CFAP99: variants seen among roughly 807,000 people sequenced by gnomAD.
CFAP99 encodes the protein cilia and flagella associated protein 99.
Under a neutral mutation model 82.7 loss-of-function variants are expected in CFAP99, and 84 were observed. That is an observed-to-expected ratio of 1.02 (90% confidence interval 0.85 to 1.22). CFAP99 has a LOEUF of 1.22. CFAP99 is among the 50% of genes most tolerant of loss of function. The pLI is 0.00. For missense variants in CFAP99, 1,059 were observed against 983.5 expected (o/e 1.08, Z -1.03); for synonymous variants, 456 against 429.5 (o/e 1.06, Z -0.76).
chr4:2,459,074 C>A, intron 12 of CFAP99, 33 bp from the exon 13 acceptor site: 1 of 1,480,890 alleles, frequency 6.8e-7, no homozygotes, highest in South Asian at 1.3e-5. Flanking sequence ...CTGCCACCCA[C>A]CAGCCACCTC....
intron 13 of CFAP99, 127 bp downstream of exon 13, chr4:2,459,385 C>A: frequency 8.6e-7 from 1 of 1,163,462 alleles, no homozygotes. Flanking sequence ...ACCTGGCCCG[C>A]CACCCTCCGT....
At position 2,443,555 on chromosome 4, in the gene CFAP99, G is replaced by A. The variant is rs548484091; in HGVS notation, c.464+313G>A. Among the ~76,000 whole-genome samples, 18 of 152,332 alleles carry A rather than the reference G, an allele frequency of 1.2e-4. 1 individual carries two copies. Among genetic ancestry groups the A allele is most frequent in the Middle Eastern group, 3.4e-3 (1 of 294 alleles). On this transcript the variant is annotated intron_variant, in intron 5 of 14. Transcript: ENST00000635017. ...CTGGCTGAGTGAATGGGGCAGAGCCGGCCCTTCTGTGCTGGAGCCTACATG... is the reference window on the plus strand; with the variant it reads ...CTGGCTGAGTGAATGGGGCAGAGCCAGCCCTTCTGTGCTGGAGCCTACATG...
At chr4:2,434,179 C>T (rs549903471) in intron 2 of CFAP99, among the ~76,000 whole-genome samples, 9 of 152,272 alleles carry the variant, frequency 5.9e-5, no homozygotes, top group Non-Finnish European at 1.0e-4. Context: ...ATGTGATGTC[C>T]GCCCCAGTAT....
rs550091975 is a variant in CFAP99, at chr4:2,438,643, G to A, written c.351+479G>A. On this transcript the variant is annotated intron_variant, in intron 4 of 14. Coordinates refer to ENST00000635017, the Ensembl canonical transcript of CFAP99. ...TAGCAAGCTGGGCATGGTGGCTCCC[G>A]TCTGTAGTCCCACCTGCTTGGGAGG... is the stretch of plus-strand genomic sequence containing the variant. 8.3e-4 allele frequency among the ~76,000 whole-genome samples: 127 copies of A among 152,210 alleles called. 1 individual carries two copies. The highest frequency in any genetic ancestry group is 2.9e-3 in the African/African-American group (122 of 41,548).
chr4:2,437,227 C>A (rs1733935102), intron 3 of CFAP99, among the ~76,000 whole-genome samples: 1 of 152,238 alleles, frequency 6.6e-6, no homozygotes, highest in African/African-American at 2.4e-5. Flanking sequence ...CCAGGGCAGA[C>A]AGACCTGGCT....
chr4:2,455,732 G>A (rs1158930628), intron 11 of CFAP99, among the ~76,000 whole-genome samples: 1 of 152,150 alleles, frequency 6.6e-6, no homozygotes, highest in Non-Finnish European at 1.5e-5. Context: ...AGGTTACACA[G>A]GGATTCTCAG....
At position 2,462,188 on chromosome 4, in the gene CFAP99, TAAAG is replaced by T. The variant is rs1297244994; in HGVS notation, c.1662-251_1662-248del. ...ACAAACAAACAACAACAACAAAAAT[TAAAG>T]AAAAGAAAAAAAGAGCAAAAGGGTA... is the stretch of plus-strand genomic sequence containing the variant. On this transcript the variant is annotated intron_variant, in intron 14 of 14. Coordinates refer to ENST00000635017, the Ensembl canonical transcript of CFAP99. This position sits in a 1 kb window ranked among gnomAD's most constrained non-coding sequence, Gnocchi z 4.1. 8.3e-6 allele frequency: 3 copies of T among 361,422 alleles called. No homozygotes were observed. The highest frequency in any genetic ancestry group is 2.1e-5 in the African/African-American group (1 of 46,806). 22.4% of individuals were successfully genotyped at this position (361,422 alleles called of 1,614,324 possible).
Position 2,448,127 on chromosome 4 carries a change from G to T in CFAP99, c.643-1543G>T, listed in dbSNP as rs1734214936. On this transcript the variant is annotated intron_variant, in intron 6 of 14. Coordinates refer to ENST00000635017, the Ensembl canonical transcript of CFAP99. The surrounding 1 kb of genome is among the most constrained non-coding windows in gnomAD (Gnocchi z 5.2). ...TGATCAGATGGATGGATGATTAGAT[G>T]GAGGTGGCTGATGGATGGATGATCA... is the stretch of plus-strand genomic sequence containing the variant. Among the ~76,000 whole-genome samples, 1 of 152,120 alleles carries T rather than the reference G, an allele frequency of 6.6e-6. No individual in the cohort carries two copies. Among genetic ancestry groups the T allele is most frequent in the Non-Finnish European group, 1.5e-5 (1 of 68,002 alleles).
chr4:2,450,086 A>G, intron 8 of CFAP99, 81 bp downstream of exon 8: 2 of 1,362,238 alleles, frequency 1.5e-6, no homozygotes, highest in African/African-American at 2.9e-5. Flanking sequence ...ACGCCATCGC[A>G]GTGACCACTT....
chr4:2,423,754 G>A (rs76737216), intron 1 of CFAP99, among the ~76,000 whole-genome samples: 13 of 152,206 alleles, frequency 8.5e-5, no homozygotes, highest in East Asian at 3.9e-4. Flanking sequence ...GTGGATTTGC[G>A]GGTTTAATGG....
At chr4:2,440,759 A>T (rs1578472288) in intron 4 of CFAP99, among the ~76,000 whole-genome samples, 1 of 150,148 alleles carries the variant, frequency 6.7e-6, no homozygotes, top group Non-Finnish European at 1.5e-5. Context: ...CACCTGGCTA[A>T]TTTTTTTTGT....
rs1311336009 is a variant in CFAP99 at position 2,443,148 on chromosome 4, A to G, written c.370A>G (p.Asn124Asp). 5.2e-6 allele frequency: 8 copies of G among 1,535,152 alleles called. No homozygotes were observed. In the African/African-American group the frequency reaches 9.6e-5, roughly 18 times the overall value. ...ACCCCAGTTCCTCAGGTTCTTCTTC[A>G]ACCCCCTGCACCTGTGCTCATGGAT... The change falls in exon 5 of 15, where the codon AAC becomes GAC. Residue 124 changes from asparagine (N) to aspartate (D), a missense_variant. Physicochemically the swap from Asn to Asp is conservative, Grantham distance 23. Transcript: ENST00000635017.
intron 2 of CFAP99, among the ~76,000 whole-genome samples, chr4:2,431,973 C>T (rs60234297): frequency 0.044 from 6,733 of 152,186 alleles, 517 homozygotes; most frequent in African/African-American, 0.15. Context: ...CTGTTCGGAC[C>T]GGTGTCTGTT....
rs566636935 is a variant in CFAP99 at position 2,458,826 on chromosome 4, C to T, written c.1265C>T (p.Ala422Val). The change falls in exon 12 of 15, where the codon GCG becomes GTG. Residue 422 changes from alanine to valine, a missense_variant. Transcript: ENST00000635017. ...ATAGAGGGGCAGAAGAACGCCAAGG[C>T]GGCCCAGACGAAGCTCGCGAAGGGC... 68 of 1,535,810 alleles carry T rather than the reference C, an allele frequency of 4.4e-5. No homozygotes were observed. The highest frequency in any genetic ancestry group is 4.4e-4 in the East Asian group (18 of 40,910).
At chr4:2,457,886 C>T (rs1032450246) in intron 11 of CFAP99, among the ~76,000 whole-genome samples, 10 of 152,254 alleles carry the variant, frequency 6.6e-5, no homozygotes, top group African/African-American at 2.4e-4. Context: ...TGGCCATCTT[C>T]ATTTCCCCAC....
intron 6 of CFAP99, among the ~76,000 whole-genome samples, chr4:2,447,587 G>A (rs1013264493): frequency 5.3e-5 from 8 of 151,440 alleles, no homozygotes; most frequent in African/African-American, 1.7e-4. Flanking sequence ...ATGGATGGAT[G>A]AATGGATGAA....
chr4:2,449,861 G>C, intron 7 of CFAP99, 73 bp from the exon 8 acceptor site: 1 of 1,530,628 alleles, frequency 6.5e-7, no homozygotes, highest in Non-Finnish European at 8.8e-7. Context: ...CTGGGTGGAA[G>C]TTCGTCCTCC....
chr4:2,460,696 C>A (rs1734602045), intron 14 of CFAP99, among the ~76,000 whole-genome samples: 1 of 152,184 alleles, frequency 6.6e-6, no homozygotes, highest in Non-Finnish European at 1.5e-5. Flanking sequence ...CTAAATATCT[C>A]ATCTTTTTTC....
At chr4:2,455,514 AAAAC>A (rs930681230) in intron 11 of CFAP99, among the ~76,000 whole-genome samples, 12 of 152,074 alleles carry the variant, frequency 7.9e-5, no homozygotes, top group Admixed American at 4.6e-4. Flanking sequence ...GTCTACTAAA[AAAAC>A]AAACAAACAA....
Sources: gnomAD v4.1 joint callset for allele counts (sites outside exome capture counted in the v4.1 genomes callset) on GRCh38, gnomAD v4.1.1 for gene constraint, Gnocchi (gnomAD v3.1) non-coding constraint, MANE v1.5 for transcripts, NCBI Gene and HGNC (gene_info 2026-07-23, HGNC 2026-07-21) for gene names.